N4BP1: variants seen among roughly 807,000 people sequenced by gnomAD.
N4BP1 encodes NEDD4-binding protein 1.
Under a neutral mutation model 70.9 loss-of-function variants are expected in N4BP1, and 21 were observed. The observed-to-expected ratio is 0.30, with a 90% CI of 0.21 to 0.43. The LOEUF (loss-of-function observed/expected upper bound fraction) is 0.43. Among genes scored for constraint, N4BP1 ranks in the 20% least tolerant of loss-of-function variants. N4BP1 has a pLI of 1.00. For synonymous variants in N4BP1, 387 were observed against 394.6 expected (o/e 0.98, Z 0.23); for missense variants, 936 against 1,069.4 (o/e 0.88, Z 1.74).
In N4BP1 at chr16:48,610,008, G is replaced by C. The variant is rs929620528; in HGVS notation, c.-36C>G. On this transcript the variant is annotated 5_prime_UTR_variant, in exon 1 of 7. Transcript: ENST00000262384. Reference sequence around the variant, plus strand: ...GCCTCCCGCGGCGGCGCCGGGGGCCGGCGGCGGCGACGCCCCCTCAGCTTG... The same window carrying C: ...GCCTCCCGCGGCGGCGCCGGGGGCCCGCGGCGGCGACGCCCCCTCAGCTTG... The C allele has an allele frequency of 1.8e-6, 2 of 1,111,216 alleles. No individual in the cohort carries two copies. The highest frequency in any genetic ancestry group is 5.0e-5 in the East Asian group (1 of 19,868). The allele number at this position is 1,111,216 out of a possible 1,614,324, so 68.8% of individuals were successfully genotyped here.
chr16:48,545,876 A>G (rs1251769147), intron 6 of N4BP1, among the ~76,000 whole-genome samples: 2 of 151,832 alleles, frequency 1.3e-5, no homozygotes, highest in Non-Finnish European at 2.9e-5. Context: ...AAATACAAAA[A>G]AAGAGCTGGG....
At chr16:48,574,739 T>A (rs186716563) in intron 1 of N4BP1, among the ~76,000 whole-genome samples, 2 of 152,230 alleles carry the variant, frequency 1.3e-5, no homozygotes, top group Non-Finnish European at 2.9e-5. Context: ...AACAAATCCA[T>A]TGATTTCTCA....
Position 48,540,423 on chromosome 16 carries a change from C to T in N4BP1, c.*2481G>A, listed in dbSNP as rs547113152. On this transcript the variant is annotated 3_prime_UTR_variant, in exon 7 of 7. Transcript: ENST00000262384. ...CAGGCCCAAGTCCCGGCCAGACAGC[C>T]GAGCCTGCCTAGCAACGCTGACCGG... is the stretch of plus-strand genomic sequence containing the variant. The T allele has an allele frequency of 6.6e-6, 1 of 152,632 alleles. No individual in the cohort carries two copies. Among genetic ancestry groups the T allele is most frequent in the African/African-American group, 2.4e-5 (1 of 41,594 alleles). The allele number at this position is 152,632 out of a possible 1,614,324, so 9.5% of individuals were successfully genotyped here. A position where few individuals can be genotyped will look rare whatever the true frequency, so the allele number is the denominator to read the frequency against.
intron 2 of N4BP1, among the ~76,000 whole-genome samples, chr16:48,557,980 AT>A (rs1438368885): frequency 6.6e-6 from 1 of 152,132 alleles, no homozygotes; most frequent in Non-Finnish European, 1.5e-5. Context: ...TCCAAAAAAA[AT>A]TGAGGTAAAA....
rs758005215 is a variant in N4BP1 at position 48,561,251 on chromosome 16, T to A, written c.1392A>T (p.Arg464Ser). Reference protein sequence around the residue: ...CTSNCRINTFRTVPIEQKHEV... With the variant: ...CTSNCRINTFSTVPIEQKHEV... Reference sequence around the variant, plus strand: ...CATGTTTCTGTTCTATTGGCACTGTTCTGAAAGTATTAATTCTACAATTTG... The same window carrying A: ...CATGTTTCTGTTCTATTGGCACTGTACTGAAAGTATTAATTCTACAATTTG... Residue 464 changes from arginine to serine, a missense_variant, in exon 2 of 7, where the codon AGA becomes AGT. By Grantham distance (110) the Arg-to-Ser change is moderately radical (BLOSUM62 -1). Around this residue, in one of 4 missense-constraint regions of N4BP1, gnomAD observed 515 missense variants for 491.7 expected, o/e 1.05. Coordinates refer to ENST00000262384, the MANE Select transcript of N4BP1 (RefSeq NM_153029.4). 9.2e-5 allele frequency: 149 copies of A among 1,613,864 alleles called. No individual in the cohort carries two copies. Among genetic ancestry groups the A allele is most frequent in the Non-Finnish European group, 1.2e-4 (146 of 1,179,892 alleles).
At chr16:48,585,324 T>C (rs1964228416) in intron 1 of N4BP1, among the ~76,000 whole-genome samples, 2 of 152,060 alleles carry the variant, frequency 1.3e-5, no homozygotes, top group African/African-American at 4.8e-5. Context: ...ATTACTCATA[T>C]ATATTTATGA....
intron 6 of N4BP1, among the ~76,000 whole-genome samples, chr16:48,544,451 C>T (rs1963561869): frequency 1.3e-5 from 2 of 152,250 alleles, no homozygotes; most frequent in African/African-American, 2.4e-5. Context: ...AGCTTAGACC[C>T]CCCATCACAC....
In N4BP1 at chr16:48,561,318, A is replaced by C. The variant is rs1423700152; in HGVS notation, c.1325T>G (p.Phe442Cys). 1 of 1,613,786 alleles carries C rather than the reference A, an allele frequency of 6.2e-7. No individual in the cohort carries two copies. The highest frequency in any genetic ancestry group is 1.1e-5 in the South Asian group (1 of 91,074). The part of the protein sequence containing the change: ...AHTQQNMVEK[F>C]SQLPFKVEAK... Reference sequence around the variant, plus strand: ...TTCCACTTTGAATGGTAACTGAGAAAATTTTTCTACCATATTTTGCTGTGT... The same window carrying C: ...TTCCACTTTGAATGGTAACTGAGAACATTTTTCTACCATATTTTGCTGTGT... The change falls in exon 2 of 7, where the codon TTT becomes TGT. Residue 442 changes from phenylalanine to cysteine, a missense_variant. This residue lies in a region of N4BP1 where 515 missense variants were observed against 491.7 expected (regional missense o/e 1.05). Coordinates refer to ENST00000262384, the MANE Select transcript of N4BP1 (RefSeq NM_153029.4).
rs1001513227 is a variant in N4BP1 at position 48,545,988 on chromosome 16, A to G, written c.2333+159T>C. On this transcript the variant is annotated intron_variant, in intron 6 of 6. Transcript: ENST00000262384. Reference sequence around the variant, plus strand: ...GGTTGCAGTGAGCCGAAATCACGCCACTGCATTCCAGCCTCGGTGACAGAG... The same window carrying G: ...GGTTGCAGTGAGCCGAAATCACGCCGCTGCATTCCAGCCTCGGTGACAGAG... 23 of 498,784 alleles carry G rather than the reference A, an allele frequency of 4.6e-5. 1 individual carries two copies. In the South Asian group the frequency reaches 5.9e-4, roughly 13 times the overall value. The allele number at this position is 498,784 out of a possible 1,614,324, so 30.9% of individuals were successfully genotyped here.
At chr16:48,580,794 T>C (rs3891865) in intron 1 of N4BP1, among the ~76,000 whole-genome samples, 2,985 of 152,282 alleles carry the variant, frequency 0.02, 98 homozygotes, top group South Asian at 0.12. Context: ...GTACAGACTT[T>C]TTTCCTGTCA....
intron 6 of N4BP1, among the ~76,000 whole-genome samples, chr16:48,543,725 C>T (rs1963545520): frequency 6.6e-6 from 1 of 152,140 alleles, no homozygotes; most frequent in Admixed American, 6.5e-5. Flanking sequence ...GGTGCCCACA[C>T]TTGTATGCAC....
At chr16:48,595,786 C>A (rs1410842870) in intron 1 of N4BP1, among the ~76,000 whole-genome samples, 1 of 152,148 alleles carries the variant, frequency 6.6e-6, no homozygotes, top group Non-Finnish European at 1.5e-5. Context: ...GGAAAAGTGA[C>A]CTCACACCTT....
At chr16:48,600,538 G>T in intron 1 of N4BP1, 1 of 585,300 alleles carries the variant, frequency 1.7e-6, no homozygotes, top group South Asian at 1.4e-5. Flanking sequence ...ATATCAAACA[G>T]GTCAAGCAAA....
At chr16:48,587,096 C>T (rs1172508343) in intron 1 of N4BP1, 3 of 152,334 alleles carry the variant, frequency 2.0e-5, no homozygotes, top group South Asian at 2.1e-4. Context: ...GTGGTTTCTT[C>T]TTTCCTCTCT....
chr16:48,594,739 G>A (rs1320398150), intron 1 of N4BP1, among the ~76,000 whole-genome samples: 3 of 152,100 alleles, frequency 2.0e-5, no homozygotes, highest in Non-Finnish European at 4.4e-5. Context: ...ATATAAATAG[G>A]TTATTAGTAT....
At chr16:48,581,531 T>G (rs1366590195) in intron 1 of N4BP1, among the ~76,000 whole-genome samples, 1 of 152,160 alleles carries the variant, frequency 6.6e-6, no homozygotes, top group African/African-American at 2.4e-5. Context: ...CCCCCAGAAT[T>G]ATTGAATTCC....
intron 1 of N4BP1, among the ~76,000 whole-genome samples, chr16:48,570,588 C>T (rs1014909167): frequency 2.0e-5 from 3 of 152,204 alleles, no homozygotes; most frequent in African/African-American, 7.2e-5. Flanking sequence ...CTCAGGTGAT[C>T]CACCCATTTC....
intron 1 of N4BP1, among the ~76,000 whole-genome samples, chr16:48,595,884 G>T (rs532383488): frequency 1.1e-4 from 16 of 152,284 alleles, no homozygotes; most frequent in Non-Finnish European, 2.2e-4. Flanking sequence ...AAGTTATCTT[G>T]GGACCTCAAG....
intron 1 of N4BP1, among the ~76,000 whole-genome samples, chr16:48,583,454 T>C (rs1359067006): frequency 2.6e-5 from 4 of 152,240 alleles, no homozygotes; most frequent in South Asian, 2.1e-4. Context: ...TACAGTTAGA[T>C]AGGAGGAATA....
Sources: gnomAD v4.1 joint callset for allele counts (sites outside exome capture counted in the v4.1 genomes callset) on GRCh38, gnomAD v4.1.1 for gene constraint, gnomAD v4.1.1 regional missense constraint, MANE v1.5 for transcripts, NCBI Gene and HGNC (gene_info 2026-07-23, HGNC 2026-07-21) for gene names.